Variants in NRXN1 observed in about 807,000 individuals in gnomAD.
NRXN1 encodes the protein neurexin 1, also known as neurexin-1.
NRXN1 carries 39 observed loss-of-function variants against 150.9 expected under a neutral mutation model. The ratio of observed to expected loss-of-function variants is 0.26; its 90% CI spans 0.20 to 0.34. NRXN1 has a LOEUF of 0.34. Ranked by LOEUF, NRXN1 falls within the 10% of genes least tolerant of loss-of-function variation. The probability of loss-of-function intolerance (pLI) is 1.00; values close to 1 mark genes in which losing one functional copy is unlikely to be tolerated. For synonymous variants in NRXN1, 924 were observed against 757.0 expected, an observed-to-expected ratio of 1.22 and a Z score of -3.62; for missense variants, 1,815 against 1,949.9, an observed-to-expected ratio of 0.93 and a Z score of 1.30.
chr2:50,605,832 A>G (rs180735119), intron 8 of NRXN1, among the ~76,000 whole-genome samples: 1 of 152,258 alleles, frequency 6.6e-6, no homozygotes, highest in East Asian at 1.9e-4. Context: ...TTTTTAAGAG[A>G]TATTTGTACT....
chr2:50,656,440 T>C, intron 5 of NRXN1: 1 of 764,074 alleles, frequency 1.3e-6, no homozygotes, highest in Non-Finnish European at 2.4e-6. Context: ...TCTAGAAGTA[T>C]CAAGTTTCTA....
chr2:50,488,240 A>C (rs1005739103), intron 15 of NRXN1, among the ~76,000 whole-genome samples: 1 of 152,186 alleles, frequency 6.6e-6, no homozygotes, highest in Non-Finnish European at 1.5e-5. Context: ...CAGTAAACTC[A>C]TATTTGTATA....
At chr2:50,078,742 A>G (rs1017156401) in intron 19 of NRXN1, among the ~76,000 whole-genome samples, 1 of 152,042 alleles carries the variant, frequency 6.6e-6, no homozygotes, top group Non-Finnish European at 1.5e-5. Flanking sequence ...TGAGAATATG[A>G]ATACCAAAGA....
chr2:50,550,333 C>A (rs1667257769), intron 9 of NRXN1, among the ~76,000 whole-genome samples: 1 of 151,822 alleles, frequency 6.6e-6, no homozygotes, highest in South Asian at 2.1e-4. Flanking sequence ...CTCAAGTGAT[C>A]CTAAGTGTGG....
chr2:49,981,626 A>G (rs538745430), intron 21 of NRXN1, among the ~76,000 whole-genome samples: 1 of 152,200 alleles, frequency 6.6e-6, no homozygotes, highest in African/African-American at 2.4e-5. Flanking sequence ...CCTATGAAGA[A>G]GGCCACAGAT....
At chr2:50,939,748 C>A (rs763579634) in intron 2 of NRXN1, among the ~76,000 whole-genome samples, 6 of 152,140 alleles carry the variant, frequency 3.9e-5, no homozygotes, top group Non-Finnish European at 7.3e-5. Flanking sequence ...ATAACCACAT[C>A]AATTATGCAC....
intron 7 of NRXN1, 38 bp from the exon 8 acceptor site, chr2:50,620,221 C>G (rs370835673): frequency 3.1e-6 from 5 of 1,604,638 alleles, no homozygotes; most frequent in South Asian, 1.1e-5. Flanking sequence ...ACGCTATACT[C>G]AGACCTAGAT....
intron 17 of NRXN1, among the ~76,000 whole-genome samples, chr2:50,375,165 A>G (rs2080389429): frequency 6.6e-6 from 1 of 152,048 alleles, no homozygotes; most frequent in Non-Finnish European, 1.5e-5. Flanking sequence ...AATATACCTT[A>G]GTTTAACATT....
intron 21 of NRXN1, among the ~76,000 whole-genome samples, chr2:49,991,682 C>T (rs568395651): frequency 6.6e-6 from 1 of 152,256 alleles, no homozygotes; most frequent in East Asian, 1.9e-4. Context: ...TGATTTATAG[C>T]TTCAATGCAA....
At chr2:50,739,301 C>G (rs368938721) in intron 5 of NRXN1, 6 of 480,372 alleles carry the variant, frequency 1.2e-5, no homozygotes, top group African/African-American at 1.2e-4. Context: ...TTGATTTCAA[C>G]ATACCTCCAT....
intron 21 of NRXN1, among the ~76,000 whole-genome samples, chr2:49,978,185 T>G (rs1325796750): frequency 6.6e-6 from 1 of 151,992 alleles, no homozygotes; most frequent in African/African-American, 2.4e-5. Flanking sequence ...ATGTAGTAAT[T>G]ACAGGGATCA....
At chr2:50,617,757 T>G (rs958285496) in intron 8 of NRXN1, among the ~76,000 whole-genome samples, 1 of 152,164 alleles carries the variant, frequency 6.6e-6, no homozygotes, top group Non-Finnish European at 1.5e-5. Flanking sequence ...GTATTGTGGT[T>G]TTTCTGGTTA....
chr2:50,646,081 C>A (rs145370415), intron 5 of NRXN1, among the ~76,000 whole-genome samples: 1 of 151,922 alleles, frequency 6.6e-6, no homozygotes. Context: ...ACATTCCAGG[C>A]ATCCACAAAG....
At position 50,808,509 on chromosome 2, in the gene NRXN1, G is replaced by T. The variant is rs147894031; in HGVS notation, c.832+113360C>A. On this transcript the variant is annotated intron_variant, in intron 5 of 22. Transcript: ENST00000401669. ...AGAGAAACTAACATAAGTTAAAATTGATTGTACATAGTGTCAAGACAGCAA... is the reference window on the plus strand; with the variant it reads ...AGAGAAACTAACATAAGTTAAAATTTATTGTACATAGTGTCAAGACAGCAA... Among the ~76,000 whole-genome samples, 298 of 152,070 alleles carry T rather than the reference G, an allele frequency of 2.0e-3. 1 individual carries two copies. Among genetic ancestry groups the T allele is most frequent in the African/African-American group, 6.7e-3 (277 of 41,506 alleles).
chr2:50,467,311 C>T (rs1475695135), intron 16 of NRXN1, among the ~76,000 whole-genome samples: 1 of 151,574 alleles, frequency 6.6e-6, no homozygotes, highest in Non-Finnish European at 1.5e-5. Flanking sequence ...AAAGGGAATA[C>T]AGTCTACCTA....
At chr2:50,033,819 C>A (rs1689559500) in intron 21 of NRXN1, among the ~76,000 whole-genome samples, 1 of 151,844 alleles carries the variant, frequency 6.6e-6, no homozygotes, top group Non-Finnish European at 1.5e-5. Context: ...GGCAAAAGGA[C>A]ATGAACAGAC....
At chr2:50,583,565 T>C (rs1672629197) in intron 8 of NRXN1, among the ~76,000 whole-genome samples, 1 of 152,170 alleles carries the variant, frequency 6.6e-6, no homozygotes, top group Non-Finnish European at 1.5e-5. Context: ...AATTTTTGTA[T>C]CTTACTGCCT....
chr2:50,632,219 C>T (rs1241688390), intron 5 of NRXN1: 1 of 151,956 alleles, frequency 6.6e-6, no homozygotes, highest in African/African-American at 2.4e-5. Flanking sequence ...TAGCCAATTG[C>T]TTCTTTCTCC....
chr2:50,826,738 T>C (rs1190430269), intron 5 of NRXN1, among the ~76,000 whole-genome samples: 1 of 151,936 alleles, frequency 6.6e-6, no homozygotes, highest in Non-Finnish European at 1.5e-5. Flanking sequence ...AAATGGAGAA[T>C]GGATAGCTCT....
Sources: gnomAD v4.1 joint callset for allele counts (sites outside exome capture counted in the v4.1 genomes callset) on GRCh38, gnomAD v4.1.1 for gene constraint, MANE v1.5 for transcripts, NCBI Gene and HGNC (gene_info 2026-07-23, HGNC 2026-07-21) for gene names.